TAF1: variants seen among roughly 807,000 people sequenced by gnomAD.
The protein encoded by TAF1 is TATA-box binding protein associated factor 1.
Under a neutral mutation model 138.5 loss-of-function variants are expected in TAF1, and 2 were observed. That is an observed-to-expected ratio of 0.01 (90% CI 0.01 to 0.05). The LOEUF (loss-of-function observed/expected upper bound fraction) is 0.05. Ranked by LOEUF, TAF1 falls within the 10% of genes least tolerant of loss-of-function variation. The pLI, the probability that TAF1 is intolerant of heterozygous loss-of-function variation, is 1.00. For missense variants in TAF1, 709 were observed against 1,478.0 expected (o/e 0.48, Z 8.53); for synonymous variants, 437 against 503.2 (o/e 0.87, Z 1.76).
chrX:71,394,901 G>T (rs749523585), intron 22 of TAF1, among the ~76,000 whole-genome samples: 2 of 111,786 alleles, frequency 1.8e-5, no homozygotes, highest in Non-Finnish European at 1.9e-5. Flanking sequence ...AGAAAATGTT[G>T]CCCAGGATGG....
intron 13 of TAF1, among the ~76,000 whole-genome samples, chrX:71,494,899 A>T (rs1394176178): frequency 1.8e-5 from 2 of 112,300 alleles, no homozygotes; most frequent in Non-Finnish European, 3.8e-5. Flanking sequence ...GGCCCTGCCC[A>T]CGTCCTGCTG....
intron 13 of TAF1, among the ~76,000 whole-genome samples, chrX:71,524,538 G>C (rs1356922395): frequency 9.1e-6 from 1 of 110,235 alleles, no homozygotes; most frequent in East Asian, 2.8e-4. Flanking sequence ...TAATATCTCA[G>C]TCTGATCTCA....
intron 34 of TAF1, among the ~76,000 whole-genome samples, chrX:71,456,400 G>C (rs1158761277): frequency 9.0e-6 from 1 of 111,312 alleles, no homozygotes; most frequent in Non-Finnish European, 1.9e-5. Context: ...CATTATTCCA[G>C]TTCACCTTTT....
At chrX:71,425,910 A>G (rs1448445962) in intron 32 of TAF1, among the ~76,000 whole-genome samples, 1 of 111,323 alleles carries the variant, frequency 9.0e-6, no homozygotes, top group Non-Finnish European at 1.9e-5. Flanking sequence ...GAAAAATTAT[A>G]GTACTTAAAT....
chrX:71,397,082 G>A lies in TAF1; in HGVS notation c.3407-171G>A, dbSNP rs751696997. 3.4e-4 allele frequency among the ~76,000 whole-genome samples: 36 copies of A among 105,331 alleles called. 1 individual carries two copies. In the South Asian group the frequency reaches 0.016, roughly 45 times the overall value. 91.5% of individuals were successfully genotyped at this position (105,331 alleles called of 115,157 possible). On this transcript the variant is annotated intron_variant, in intron 22 of 37. Transcript: ENST00000423759. ...GGAAATTGGCAGTGCCTAAAATGAA[G>A]TCAGGAAAGGACAAATCAGCATATT...
At chrX:71,422,849 C>G (rs1303990395) in intron 29 of TAF1, among the ~76,000 whole-genome samples, 1 of 110,779 alleles carries the variant, frequency 9.0e-6, no homozygotes, top group Non-Finnish European at 1.9e-5. Flanking sequence ...ACGCCATTCT[C>G]CTGCCTCAGC....
intron 32 of TAF1, among the ~76,000 whole-genome samples, chrX:71,435,797 A>C (rs986680303): frequency 2.7e-5 from 3 of 111,078 alleles, no homozygotes; most frequent in African/African-American, 9.8e-5. Context: ...GTCTTTTCCT[A>C]TATGATTCTT....
At chrX:71,463,028 T>C (rs190848300) in intron 37 of TAF1, among the ~76,000 whole-genome samples, 2 of 112,027 alleles carry the variant, frequency 1.8e-5, no homozygotes, top group African/African-American at 3.2e-5. Context: ...AATTATGCTA[T>C]AGACGTTATG....
intron 13 of TAF1, among the ~76,000 whole-genome samples, chrX:71,512,953 A>T (rs1033254906): frequency 1.8e-5 from 2 of 112,767 alleles, no homozygotes; most frequent in Non-Finnish European, 3.7e-5. Context: ...GTCCAGCAAC[A>T]TTAAGAGTGA....
At chrX:71,500,146 C>CT (rs2039471436) in intron 13 of TAF1, among the ~76,000 whole-genome samples, 2 of 110,861 alleles carry the variant, frequency 1.8e-5, no homozygotes, top group African/African-American at 6.6e-5. Flanking sequence ...TGTAGGAAGG[C>CT]TAGGATATGG....
intron 17 of TAF1, 83 bp from the exon 18 acceptor site, chrX:71,389,502 C>T: frequency 1.3e-6 from 1 of 780,844 alleles, no homozygotes. Context: ...CTTTGGTATT[C>T]TGTACTTGTA....
In TAF1 at chrX:71,383,248, TA is replaced by T. The variant is rs1272339756; in HGVS notation, c.1947+85del. The T allele has an allele frequency of 1.2e-5, 12 of 1,010,291 alleles. No homozygotes were observed. In the African/African-American group the frequency reaches 2.3e-4, roughly 20 times the overall value. The allele number at this position is 1,010,291 out of a possible 1,213,427, so 83.3% of individuals were successfully genotyped here. On this transcript the variant is annotated intron_variant, in intron 12 of 37. Transcript: ENST00000423759. ...GAATGTACCAGGTATTAGATTGTAT[TA>T]GGGAATTGGTTATTTTCTCAGATGT...
intron 13 of TAF1, among the ~76,000 whole-genome samples, chrX:71,523,516 A>G (rs2039942072): frequency 8.9e-6 from 1 of 112,207 alleles, no homozygotes; most frequent in African/African-American, 3.2e-5. Flanking sequence ...ACAATTTCAA[A>G]TTGTATTATG....
intron 12 of TAF1, among the ~76,000 whole-genome samples, chrX:71,383,460 T>A (rs904080414): frequency 1.8e-5 from 2 of 112,495 alleles, no homozygotes; most frequent in Non-Finnish European, 3.8e-5. Flanking sequence ...TAAGTGTTCA[T>A]AGTACAGTCG....
chrX:71,440,772 C>T (rs2037372318), intron 32 of TAF1, among the ~76,000 whole-genome samples: 1 of 111,318 alleles, frequency 9.0e-6, no homozygotes, highest in African/African-American at 3.3e-5. Flanking sequence ...TGTGATTTTA[C>T]TTGGCATTTT....
intron 23 of TAF1, among the ~76,000 whole-genome samples, chrX:71,398,337 C>CAAGA (rs1322058970): frequency 2.1e-5 from 2 of 94,359 alleles, no homozygotes; most frequent in Non-Finnish European, 4.2e-5. Flanking sequence ...GACTCCGTCT[C>CAAGA]AAGAAAGAAA....
chrX:71,461,391 A>C (rs1046997255), intron 37 of TAF1, among the ~76,000 whole-genome samples: 1 of 111,539 alleles, frequency 9.0e-6, no homozygotes, highest in Non-Finnish European at 1.9e-5. Context: ...AGGAGTCATC[A>C]GTTTAAGGAA....
At position 71,387,290 on chromosome X, in the gene TAF1, A is replaced by G. The variant is rs1241978377; in HGVS notation, c.2256A>G (p.Pro752=). Residue 752 remains proline (P), a synonymous_variant, in exon 15 of 38, where the codon CCA becomes CCG. Transcript: ENST00000423759. ...QAFENNLFRA[P]IYLHKMPETD... is the part of the protein sequence containing the mutation. ...TTGAGAACAACCTTTTTCGTGCTCC[A>G]ATTTATCTTCATAAGATGCCAGAAA... 2.5e-6 allele frequency: 3 copies of G among 1,212,011 alleles called. No individual in the cohort carries two copies. The Admixed American group carries it at 6.5e-5, about 26-fold the overall frequency.
chrX:71,378,846 A>G lies in TAF1; in HGVS notation c.1175A>G (p.Asn392Ser), dbSNP rs373703142. ...MIEEFRKLEE[N>S]NGTDLLADEN... is the part of the protein sequence containing the mutation. ...CAGGAATTTAGGAAACTTGAGGAAA[A>G]CAATGGCACTGATCTTCTGGCTGAT... Residue 392 changes from asparagine to serine, a missense_variant, in exon 8 of 38, where the codon AAC (asparagine) becomes AGC (serine). Around this residue, in one of 14 missense-constraint regions of TAF1, gnomAD observed 201 missense variants for 421.3 expected, o/e 0.48. Coordinates refer to ENST00000423759, the MANE Select transcript of TAF1 (RefSeq NM_004606.5). 8.3e-7 allele frequency: 1 copy of G among 1,211,447 alleles called. No homozygotes were observed.
Sources: gnomAD v4.1 joint callset for allele counts (sites outside exome capture counted in the v4.1 genomes callset) on GRCh38, gnomAD v4.1.1 for gene constraint, gnomAD v4.1.1 regional missense constraint, MANE v1.5 for transcripts, NCBI Gene and HGNC (gene_info 2026-07-23, HGNC 2026-07-21) for gene names.